SIAE: variants seen among roughly 807,000 people sequenced by gnomAD.
The protein encoded by SIAE is sialate O-acetylesterase.
In SIAE, 39 loss-of-function variants were observed where a neutral mutation model predicts 52.6. That is an observed-to-expected ratio of 0.74 (90% confidence interval 0.57 to 0.97). SIAE has a LOEUF of 0.97. Ranked by LOEUF, SIAE falls within the 50% of genes least tolerant of loss-of-function variation. The pLI is 0.00. For missense variants in SIAE, 592 were observed against 662.1 expected, an observed-to-expected ratio of 0.89 and a Z score of 1.16; for synonymous variants, 233 against 241.4, an observed-to-expected ratio of 0.97 and a Z score of 0.32.
intron 1 of SIAE, 27 bp from the exon 2 acceptor site, chr11:124,669,548 A>AATC (rs1322083056): frequency 6.2e-7 from 1 of 1,606,340 alleles, no homozygotes; most frequent in African/African-American, 1.3e-5. Flanking sequence ...ACACTGAGGG[A>AATC]AGCATCATCG....
chr11:124,640,061 C>G (rs550947266), intron 7 of SIAE, among the ~76,000 whole-genome samples, 194 bp from the exon 8 acceptor site: 19 of 152,346 alleles, frequency 1.2e-4, no homozygotes, highest in Middle Eastern at 3.4e-3. Flanking sequence ...CATGTGCCCT[C>G]TTGCAGTGCA....
At chr11:124,654,926 G>C in intron 3 of SIAE, 133 bp from the exon 4 acceptor site, 1 of 998,186 alleles carries the variant, frequency 1.0e-6, no homozygotes, top group South Asian at 1.3e-5. Flanking sequence ...AAACCAATGG[G>C]CTGCACTGAA....
upstream of SIAE, chr11:124,675,040 G>T (rs1042728103): frequency 4.9e-6 from 2 of 406,770 alleles, no homozygotes; most frequent in Middle Eastern, 6.7e-4. Context: ...CTAGTGAATG[G>T]GTCTGTGTTT....
intron 2 of SIAE, among the ~76,000 whole-genome samples, chr11:124,667,094 A>G (rs1310331577): frequency 6.6e-6 from 1 of 152,238 alleles, no homozygotes; most frequent in Non-Finnish European, 1.5e-5. Context: ...TGTCACCTAA[A>G]TATTATTGGT....
intron 2 of SIAE, among the ~76,000 whole-genome samples, chr11:124,662,513 G>A (rs1377588228): frequency 6.6e-6 from 1 of 152,046 alleles, no homozygotes; most frequent in Non-Finnish European, 1.5e-5. Flanking sequence ...CTATTAACTG[G>A]GTATTTACAC....
intron 8 of SIAE, among the ~76,000 whole-genome samples, chr11:124,639,097 A>AT (rs1942800612): frequency 6.6e-6 from 1 of 152,174 alleles, no homozygotes; most frequent in Admixed American, 6.5e-5. Context: ...GAATCAGCTG[A>AT]TTCATTATTT....
intron 2 of SIAE, among the ~76,000 whole-genome samples, chr11:124,668,948 T>C (rs182008119): frequency 1.1e-4 from 17 of 152,242 alleles, no homozygotes; most frequent in Admixed American, 1.1e-3. Flanking sequence ...ACCAGAGTTC[T>C]TACCCTCTCC....
chr11:124,663,343 G>A (rs893560512), intron 2 of SIAE, among the ~76,000 whole-genome samples: 7 of 152,298 alleles, frequency 4.6e-5, no homozygotes, highest in East Asian at 3.9e-4. Context: ...TTGGGAGGCC[G>A]AGGCAGGCGG....
intron 3 of SIAE, among the ~76,000 whole-genome samples, chr11:124,657,973 A>G (rs1200713998): frequency 6.6e-6 from 1 of 152,126 alleles, no homozygotes; most frequent in Non-Finnish European, 1.5e-5. Flanking sequence ...CAGTGTTATT[A>G]TTTTTTTACC....
At position 124,634,333 on chromosome 11, in the gene SIAE, T is replaced by TCAAAAA. The variant is rs749056036; in HGVS notation, c.*2612_*2617dup. The TCAAAAA allele has an allele frequency of 1.3e-5, 2 of 152,100 alleles. No individual in the cohort carries two copies. The highest frequency in any genetic ancestry group is 4.8e-5 in the African/African-American group (2 of 41,406). 9.4% of individuals were successfully genotyped at this position (152,100 alleles called of 1,614,324 possible). A position where few individuals can be genotyped will look rare whatever the true frequency, so the allele number is the denominator to read the frequency against. On this transcript the variant is annotated 3_prime_UTR_variant, in exon 10 of 10. Coordinates refer to ENST00000263593, the MANE Select transcript of SIAE (RefSeq NM_170601.5). The stretch of plus-strand genomic sequence containing the variant: ...CTGGGCAACAGAGCAAAACTCCAAC[T>TCAAAAA]CAAAAACAAAAACAAAAACACCTTG...
chr11:124,671,943 T>C (rs1253099942), intron 1 of SIAE, among the ~76,000 whole-genome samples: 1 of 151,846 alleles, frequency 6.6e-6, no homozygotes, highest in Non-Finnish European at 1.5e-5. Flanking sequence ...TTTTTTTTTT[T>C]TTTTTGATAT....
rs1942673003 is a variant in SIAE, at chr11:124,634,279, G to A, written c.*2672C>T. The A allele has an allele frequency of 6.6e-6, 1 of 152,384 alleles. No individual in the cohort carries two copies. Among genetic ancestry groups the A allele is most frequent in the Admixed American group, 6.5e-5 (1 of 15,294 alleles). 9.4% of individuals were successfully genotyped at this position (152,384 alleles called of 1,614,324 possible). On this transcript the variant is annotated 3_prime_UTR_variant, in exon 10 of 10. Transcript: ENST00000263593. Reference sequence around the variant, plus strand: ...GAACCCGGGAGGCAGAGGTTGCAGTGAGCCGAGACCGCGCCACTGCACTCC... The same window carrying A: ...GAACCCGGGAGGCAGAGGTTGCAGTAAGCCGAGACCGCGCCACTGCACTCC...
In SIAE at chr11:124,635,996, T is replaced by C. The variant is rs760769063; in HGVS notation, c.*955A>G. On this transcript the variant is annotated 3_prime_UTR_variant, in exon 10 of 10. Coordinates refer to ENST00000263593, the MANE Select transcript of SIAE (RefSeq NM_170601.5). ...TTTACTTTCAGCCTCACTCTTTTCT[T>C]CTTCCAAATGGATTATCCTTAAACC... is the stretch of plus-strand genomic sequence containing the variant. 2.0e-5 allele frequency: 3 copies of C among 152,232 alleles called. No homozygotes were observed. The highest frequency in any genetic ancestry group is 4.4e-5 in the Non-Finnish European group (3 of 68,032). 9.4% of individuals were successfully genotyped at this position (152,232 alleles called of 1,614,324 possible).
intron 1 of SIAE, among the ~76,000 whole-genome samples, chr11:124,671,060 G>A (rs1276935983): frequency 7.2e-5 from 11 of 152,340 alleles, no homozygotes; most frequent in African/African-American, 1.9e-4. Context: ...TTTGTGTGCA[G>A]TCAGTAGTCC....
At chr11:124,643,677 T>G (rs1942884643) in intron 7 of SIAE, among the ~76,000 whole-genome samples, 1 of 152,206 alleles carries the variant, frequency 6.6e-6, no homozygotes, top group East Asian at 1.9e-4. Context: ...GCAGTCCAGC[T>G]ATTTCTTCCT....
chr11:124,644,231 T>C (rs1240198606), intron 7 of SIAE, among the ~76,000 whole-genome samples: 1 of 149,810 alleles, frequency 6.7e-6, no homozygotes, highest in Non-Finnish European at 1.5e-5. Flanking sequence ...AAAATGGGAA[T>C]AAAAAATCTA....
At chr11:124,643,409 T>C (rs902862351) in intron 7 of SIAE, among the ~76,000 whole-genome samples, 2 of 152,118 alleles carry the variant, frequency 1.3e-5, no homozygotes, top group African/African-American at 2.4e-5. Context: ...CACTTTGATA[T>C]ATTGAGAATA....
chr11:124,665,513 A>C (rs1943260604), intron 2 of SIAE, among the ~76,000 whole-genome samples: 1 of 152,200 alleles, frequency 6.6e-6, no homozygotes, highest in African/African-American at 2.4e-5. Flanking sequence ...CCTGGCCTAC[A>C]CCTTGATTTC....
At chr11:124,673,119 A>G (rs906592737) in intron 1 of SIAE, among the ~76,000 whole-genome samples, 1 of 152,224 alleles carries the variant, frequency 6.6e-6, no homozygotes, top group Non-Finnish European at 1.5e-5. Flanking sequence ...AGCCTTAAAT[A>G]GTCAGAGCTA....
Sources: gnomAD v4.1 joint callset for allele counts (sites outside exome capture counted in the v4.1 genomes callset) on GRCh38, gnomAD v4.1.1 for gene constraint, MANE v1.5 for transcripts, NCBI Gene and HGNC (gene_info 2026-07-23, HGNC 2026-07-21) for gene names.